The following CCDC178 variants were observed in gnomAD, a reference collection of about 807,000 sequenced individuals.
The protein encoded by CCDC178 is coiled-coil domain-containing protein 178.
CCDC178 carries 126 observed loss-of-function variants against 117.4 expected under a neutral mutation model. The observed-to-expected ratio is 1.07, with a 90% CI of 0.93 to 1.24. The LOEUF (loss-of-function observed/expected upper bound fraction) is 1.24. Among genes scored for constraint, CCDC178 ranks in the 50% most tolerant of loss-of-function variants. The pLI, the probability that CCDC178 is intolerant of heterozygous loss-of-function variation, is 0.00. For missense variants in CCDC178, 1,030 were observed against 986.9 expected (o/e 1.04, Z -0.59); for synonymous variants, 283 against 313.4 (o/e 0.90, Z 1.02).
intron 15 of CCDC178, among the ~76,000 whole-genome samples, chr18:33,233,986 A>T (rs971189175): frequency 2.0e-5 from 3 of 152,262 alleles, no homozygotes; most frequent in East Asian, 1.9e-4. Flanking sequence ...CCAATTTCTG[A>T]CAAGCAAAGT....
At chr18:33,188,863 G>T (rs965274522) in intron 20 of CCDC178, among the ~76,000 whole-genome samples, 2 of 152,156 alleles carry the variant, frequency 1.3e-5, no homozygotes, top group Admixed American at 6.6e-5. Flanking sequence ...GGCAGCAATA[G>T]AAAATGACTA....
chr18:33,227,536 G>A (rs28414459), intron 15 of CCDC178, among the ~76,000 whole-genome samples: 11,355 of 59,018 alleles, frequency 0.19, 841 homozygotes, highest in African/African-American at 0.37. Flanking sequence ...ATATGTATGT[G>A]TGTGTGTGTG....
intron 11 of CCDC178, among the ~76,000 whole-genome samples, chr18:33,320,179 G>T (rs1289880661): frequency 2.0e-5 from 3 of 152,166 alleles, no homozygotes; most frequent in African/African-American, 7.2e-5. Context: ...TTGAAAACTG[G>T]CACAAGACAG....
At chr18:33,121,931 T>C (rs2057942021) in intron 20 of CCDC178, among the ~76,000 whole-genome samples, 1 of 152,148 alleles carries the variant, frequency 6.6e-6, no homozygotes, top group South Asian at 2.1e-4. Flanking sequence ...AAAAACTTGA[T>C]TGCCTACAGT....
chr18:33,122,023 A>C (rs921108097), intron 20 of CCDC178, among the ~76,000 whole-genome samples: 12 of 152,198 alleles, frequency 7.9e-5, no homozygotes, highest in Admixed American at 5.9e-4. Context: ...ACTAGGCTAT[A>C]CCATCTAGGT....
At chr18:33,255,760 G>A (rs903275143) in intron 14 of CCDC178, among the ~76,000 whole-genome samples, 2 of 151,944 alleles carry the variant, frequency 1.3e-5, no homozygotes, top group Admixed American at 1.3e-4. Context: ...TGGGACAGGA[G>A]ATGGAGCAAG....
intron 15 of CCDC178, among the ~76,000 whole-genome samples, chr18:33,237,529 G>A (rs1315693713): frequency 1.3e-5 from 2 of 152,060 alleles, no homozygotes; most frequent in African/African-American, 2.4e-5. Context: ...ATGTCGACTC[G>A]ATAAACAGCC....
intron 22 of CCDC178, among the ~76,000 whole-genome samples, chr18:32,972,491 T>G (rs930163067): frequency 2.6e-5 from 4 of 152,180 alleles, no homozygotes; most frequent in African/African-American, 9.7e-5. Flanking sequence ...AGGATTGTCT[T>G]GTCTCTACGG....
At chr18:33,247,790 G>C (rs576143963) in intron 14 of CCDC178, among the ~76,000 whole-genome samples, 68 of 151,926 alleles carry the variant, frequency 4.5e-4, no homozygotes, top group African/African-American at 1.6e-3. Context: ...ACATGTATTT[G>C]TTTTGTGGAA....
chr18:33,369,929 C>G, intron 6 of CCDC178, 121 bp downstream of exon 6: 1 of 831,758 alleles, frequency 1.2e-6, no homozygotes, highest in South Asian at 2.4e-5. Flanking sequence ...AGCAAAGATT[C>G]TTAAAAAGCA....
intron 12 of CCDC178, among the ~76,000 whole-genome samples, chr18:33,291,602 T>G (rs924332441): frequency 1.3e-5 from 2 of 152,132 alleles, no homozygotes; most frequent in African/African-American, 4.8e-5. Flanking sequence ...TACTATACTA[T>G]TATTTATTTT....
chr18:32,989,865 A>G (rs76352147), intron 21 of CCDC178, among the ~76,000 whole-genome samples: 9,786 of 152,248 alleles, frequency 0.064, 430 homozygotes, highest in Middle Eastern at 0.12. Flanking sequence ...AGAACCTGCC[A>G]TTGATTATTC....
At chr18:33,227,579 T>TATATAC (rs1555666698) in intron 15 of CCDC178, among the ~76,000 whole-genome samples, 13 of 67,620 alleles carry the variant, frequency 1.9e-4, no homozygotes, top group African/African-American at 4.6e-4. Context: ...TATATATATA[T>TATATAC]ACACACACAC....
chr18:32,985,583 G>A (rs1056494633), intron 21 of CCDC178, among the ~76,000 whole-genome samples: 2 of 151,870 alleles, frequency 1.3e-5, no homozygotes, highest in African/African-American at 2.4e-5. Context: ...TCCAGGTTAT[G>A]ACAAATATTA....
intron 21 of CCDC178, among the ~76,000 whole-genome samples, chr18:33,027,535 A>C (rs1169414658): frequency 6.6e-6 from 1 of 151,740 alleles, no homozygotes; most frequent in Admixed American, 6.6e-5. Context: ...GAGATATAAC[A>C]TCAGAAATAT....
intron 21 of CCDC178, among the ~76,000 whole-genome samples, chr18:32,982,794 T>G (rs1185127677): frequency 6.6e-6 from 1 of 152,130 alleles, no homozygotes; most frequent in African/African-American, 2.4e-5. Flanking sequence ...CAATTCCAAA[T>G]TTTTGAAGTA....
At chr18:33,167,693 G>T (rs936442061) in intron 20 of CCDC178, among the ~76,000 whole-genome samples, 1 of 151,632 alleles carries the variant, frequency 6.6e-6, no homozygotes, top group African/African-American at 2.4e-5. Context: ...GTGAAACCCT[G>T]TCTCTACTAA....
chr18:33,402,934 A>G (rs930323159), intron 3 of CCDC178, among the ~76,000 whole-genome samples: 13 of 152,214 alleles, frequency 8.5e-5, no homozygotes, highest in African/African-American at 3.1e-4. Flanking sequence ...TCTTCAGGGG[A>G]GAGCCTAGAC....
chr18:33,147,730 T>A (rs1172199071), intron 20 of CCDC178, among the ~76,000 whole-genome samples: 1 of 152,170 alleles, frequency 6.6e-6, no homozygotes, highest in African/African-American at 2.4e-5. Context: ...AGAATTTTTC[T>A]TAGTACAGAA....
Sources: gnomAD v4.1 joint callset for allele counts (sites outside exome capture counted in the v4.1 genomes callset) on GRCh38, gnomAD v4.1.1 for gene constraint, MANE v1.5 for transcripts, NCBI Gene and HGNC (gene_info 2026-07-23, HGNC 2026-07-21) for gene names.